Variants in DOCK9 observed in about 807,000 individuals in gnomAD.
DOCK9 encodes the protein dedicator of cytokinesis protein 9.
Under a neutral mutation model 263.3 loss-of-function variants are expected in DOCK9, and 89 were observed. The ratio of observed to expected loss-of-function variants is 0.34; its 90% CI spans 0.28 to 0.40. DOCK9 has a LOEUF of 0.40. Ranked by LOEUF, DOCK9 falls within the 10% of genes least tolerant of loss-of-function variation. The pLI is 1.00. For missense variants in DOCK9, 2,140 were observed against 2,603.4 expected (o/e 0.82, Z 3.87); for synonymous variants, 976 against 973.1 (o/e 1.00, Z -0.06).
intron 45 of DOCK9, chr13:98,820,555 G>T (rs1319056147): frequency 2.3e-5 from 6 of 265,930 alleles, no homozygotes; most frequent in South Asian, 2.1e-4. Context: ...ATAGACAGAG[G>T]AGGCTGTTCC....
At chr13:98,820,129 A>T (rs1267804169) in intron 45 of DOCK9, among the ~76,000 whole-genome samples, 1 of 152,224 alleles carries the variant, frequency 6.6e-6, no homozygotes, top group Non-Finnish European at 1.5e-5. Flanking sequence ...TCTGGTTACA[A>T]CATTTTCATT....
chr13:99,008,206 CTCTCTCTATA>C (rs1448131374), intron 1 of DOCK9, among the ~76,000 whole-genome samples: 11 of 70,886 alleles, frequency 1.6e-4, no homozygotes, highest in South Asian at 1.2e-3. Flanking sequence ...CTCTCTCTCT[CTCTCTCTATA>C]TATATATATA....
chr13:99,029,151 G>C (rs1887077894), intron 1 of DOCK9, among the ~76,000 whole-genome samples: 1 of 152,170 alleles, frequency 6.6e-6, no homozygotes, highest in South Asian at 2.1e-4. Flanking sequence ...TGCAGCAGCT[G>C]AATCTGGCCT....
At position 98,987,935 on chromosome 13, in the gene DOCK9, G is replaced by A. The variant is rs148570420; in HGVS notation, c.130-32384C>T. ...GGCCTGAAAGTATTAAAAGATAACA[G>A]CATATAAAATTTTTTTTAAATTTAA... is the stretch of plus-strand genomic sequence containing the variant. On this transcript the variant is annotated intron_variant, in intron 1 of 32. Transcript: ENST00000427887. Among the ~76,000 whole-genome samples, 6 of 149,800 alleles carry A rather than the reference G, an allele frequency of 4.0e-5. No individual in the cohort carries two copies. The East Asian group carries it at 9.8e-4, about 24-fold the overall frequency.
chr13:98,966,774 T>C (rs536638327), intron 1 of DOCK9, among the ~76,000 whole-genome samples: 45 of 152,308 alleles, frequency 3.0e-4, no homozygotes, highest in African/African-American at 1.1e-3. Context: ...TAGAGACCAG[T>C]AAAGGGCAGG....
chr13:98,839,654 G>A (rs1254167190), intron 38 of DOCK9, among the ~76,000 whole-genome samples: 3 of 152,252 alleles, frequency 2.0e-5, no homozygotes, highest in African/African-American at 7.2e-5. Flanking sequence ...AACAGGTGAA[G>A]TGCATCTAGG....
chr13:98,801,023 A>T (rs1278580043), intron 49 of DOCK9, among the ~76,000 whole-genome samples: 2 of 152,256 alleles, frequency 1.3e-5, no homozygotes, highest in Non-Finnish European at 2.9e-5. Flanking sequence ...TCACACCTGT[A>T]ATCTTAGCAC....
chr13:99,071,798 G>C (rs2041692972), intron 1 of DOCK9, among the ~76,000 whole-genome samples: 2 of 152,076 alleles, frequency 1.3e-5, no homozygotes, highest in South Asian at 4.1e-4. Flanking sequence ...TATCTTAAAG[G>C]GATCCATGCC....
At chr13:98,895,318 T>C (rs1387514390) in intron 15 of DOCK9, among the ~76,000 whole-genome samples, 1 of 151,982 alleles carries the variant, frequency 6.6e-6, no homozygotes, top group Non-Finnish European at 1.5e-5. Flanking sequence ...AGTATGATCA[T>C]AGCTACATAA....
At chr13:98,884,634 A>G (rs963859364) in intron 21 of DOCK9, among the ~76,000 whole-genome samples, 1 of 152,196 alleles carries the variant, frequency 6.6e-6, no homozygotes, top group African/African-American at 2.4e-5. Flanking sequence ...CTGGAGGAAA[A>G]TTCCTAATAG....
At chr13:98,813,031 G>C (rs1183156395) in intron 45 of DOCK9, among the ~76,000 whole-genome samples, 1 of 152,158 alleles carries the variant, frequency 6.6e-6, no homozygotes, top group Admixed American at 6.5e-5. Flanking sequence ...ATTACATTAA[G>C]TAATCATGAA....
At chr13:98,995,604 T>G (rs977464560) in intron 1 of DOCK9, among the ~76,000 whole-genome samples, 9 of 149,792 alleles carry the variant, frequency 6.0e-5, no homozygotes, top group African/African-American at 2.2e-4. Flanking sequence ...TTCTCCTGCC[T>G]CAGCCTCCCG....
At chr13:99,038,393 C>T (rs1489097412) in intron 1 of DOCK9, among the ~76,000 whole-genome samples, 3 of 142,302 alleles carry the variant, frequency 2.1e-5, no homozygotes, top group Admixed American at 1.5e-4. Context: ...CAACCTCTGC[C>T]TCCTGGGTTC....
At chr13:98,985,196 A>T (rs554596644) in intron 1 of DOCK9, among the ~76,000 whole-genome samples, 1 of 152,258 alleles carries the variant, frequency 6.6e-6, no homozygotes, top group African/African-American at 2.4e-5. Context: ...CTAAGATGGG[A>T]GAGTCAGGCT....
Position 98,860,437 on chromosome 13 carries a change from T to G in DOCK9, c.3665A>C (p.His1222Pro). Residue 1222 changes from histidine (H) to proline (P), a missense_variant, in exon 33 of 53, where the codon CAC becomes CCC. His to Pro is a moderately conservative substitution (Grantham distance 77). Coordinates refer to ENST00000682017, the MANE Select transcript of DOCK9 (RefSeq NM_001366683.2). ...GGAGATGGCGCCCAGCAGGTCCTTG[T>G]GCAGGCTGTTGTCCAGGGTGCTTCC... ...QKGSTLDNSL[H>P]KDLLGAISGI... 1 of 1,593,256 alleles carries G rather than the reference T, an allele frequency of 6.3e-7. No individual in the cohort carries two copies. Among genetic ancestry groups the G allele is most frequent in the Non-Finnish European group, 8.6e-7 (1 of 1,168,958 alleles).
chr13:98,849,911 C>T, intron 36 of DOCK9, 136 bp downstream of exon 36: 1 of 642,764 alleles, frequency 1.6e-6, no homozygotes, highest in South Asian at 1.9e-5. Context: ...AGGGCCAAGA[C>T]CATGAGAAAG....
chr13:98,978,914 T>C (rs1271940862), upstream of DOCK9, among the ~76,000 whole-genome samples: 3 of 152,146 alleles, frequency 2.0e-5, no homozygotes, highest in African/African-American at 7.2e-5. Context: ...TGTATTTTTA[T>C]TATTTCCTCA....
chr13:99,061,765 C>T (rs1171828400), intron 1 of DOCK9, among the ~76,000 whole-genome samples: 4 of 152,102 alleles, frequency 2.6e-5, no homozygotes, highest in Admixed American at 2.0e-4. Context: ...GCCTTTCTAT[C>T]CCATTCCGGT....
intron 1 of DOCK9, among the ~76,000 whole-genome samples, chr13:99,039,730 C>T (rs1054994830): frequency 6.6e-6 from 1 of 152,146 alleles, no homozygotes; most frequent in African/African-American, 2.4e-5. Context: ...CTTTGCTCAA[C>T]CATCAACGCA....
Sources: allele counts gnomAD v4.1 joint callset (sites outside exome capture counted in the v4.1 genomes callset), GRCh38; gene constraint gnomAD v4.1.1; transcripts MANE v1.5; gene names NCBI Gene and HGNC (gene_info 2026-07-23, HGNC 2026-07-21).